Variants in RBFOX1 observed in about 807,000 individuals in gnomAD.
The protein encoded by RBFOX1 is RNA binding fox-1 homolog 1.
In RBFOX1, 8 loss-of-function variants were observed where a neutral mutation model predicts 57.7. That is an observed-to-expected ratio of 0.14 (90% confidence interval 0.08 to 0.25). The LOEUF (loss-of-function observed/expected upper bound fraction) is 0.25, where lower values mean the gene tolerates loss of function less well. RBFOX1 is among the 10% of genes least tolerant of loss of function. The pLI, the probability that RBFOX1 is intolerant of heterozygous loss-of-function variation, is 1.00. For missense variants in RBFOX1, 611 were observed against 548.5 expected (o/e 1.11, Z -1.14); for synonymous variants, 326 against 222.4 (o/e 1.47, Z -4.15).
chr16:6,696,455 C>A (rs1023917568), intron 3 of RBFOX1, among the ~76,000 whole-genome samples: 4 of 152,100 alleles, frequency 2.6e-5, no homozygotes, highest in African/African-American at 4.8e-5. Flanking sequence ...TAAATATAAT[C>A]TTTGAAATTG....
chr16:5,733,501 C>T (rs1296442943), intron 3 of RBFOX1, among the ~76,000 whole-genome samples: 1 of 152,100 alleles, frequency 6.6e-6, no homozygotes, highest in African/African-American at 2.4e-5. Flanking sequence ...CTGCCCTGGG[C>T]CGGGGTGGTC....
At chr16:6,912,844 T>G (rs1197366150) in intron 3 of RBFOX1, among the ~76,000 whole-genome samples, 1 of 151,968 alleles carries the variant, frequency 6.6e-6, no homozygotes, top group East Asian at 1.9e-4. Context: ...AGACTCAAAC[T>G]CCTGAGCTCA....
intron 1 of RBFOX1, among the ~76,000 whole-genome samples, chr16:6,231,921 A>G (rs1303769139): frequency 4.0e-5 from 6 of 151,660 alleles, no homozygotes; most frequent in Admixed American, 1.3e-4. Context: ...CATCAAAACA[A>G]TAGTCTGTAC....
At chr16:6,657,855 G>T (rs1603109151) in intron 3 of RBFOX1, among the ~76,000 whole-genome samples, 1 of 150,676 alleles carries the variant, frequency 6.6e-6, no homozygotes, top group Admixed American at 6.7e-5. Flanking sequence ...TTTTACTTTA[G>T]TTAAGGGAGC....
intron 1 of RBFOX1, among the ~76,000 whole-genome samples, chr16:6,132,532 G>A (rs1253700769): frequency 1.3e-5 from 2 of 152,094 alleles, no homozygotes; most frequent in Non-Finnish European, 2.9e-5. Context: ...TCTCTTTCCT[G>A]ACCAGTACGG....
At chr16:5,645,171 C>G (rs987896032) in intron 3 of RBFOX1, among the ~76,000 whole-genome samples, 5 of 151,730 alleles carry the variant, frequency 3.3e-5, no homozygotes, top group South Asian at 2.1e-4. Context: ...ATCACTTGAA[C>G]CTAGGAAGCA....
intron 1 of RBFOX1, among the ~76,000 whole-genome samples, chr16:5,450,924 T>C (rs1305839658): frequency 6.6e-6 from 1 of 152,112 alleles, no homozygotes; most frequent in Non-Finnish European, 1.5e-5. Flanking sequence ...AGCTCAAGGG[T>C]AAGCTTGTCC....
rs572789805 is a variant in RBFOX1 at position 7,271,271 on chromosome 16, A to G, written c.27+219173A>G. On this transcript the variant is annotated intron_variant, in intron 4 of 15. Transcript: ENST00000550418. ...AATGTTTGATCTCTGTCCTTTTTGT[A>G]TGTGAGAACATTCACAGGCATCTTC... Among the ~76,000 whole-genome samples, 41 of 151,390 alleles carry G rather than the reference A, an allele frequency of 2.7e-4. No homozygotes were observed. In the South Asian group the frequency reaches 8.1e-3, roughly 30 times the overall value.
intron 2 of RBFOX1, among the ~76,000 whole-genome samples, chr16:6,404,133 A>G (rs1047180346): frequency 4.6e-5 from 7 of 152,192 alleles, no homozygotes; most frequent in African/African-American, 7.2e-5. Flanking sequence ...GAAAAAATAT[A>G]TATTTTAAAT....
At chr16:6,684,668 T>C (rs1227455324) in intron 3 of RBFOX1, among the ~76,000 whole-genome samples, 1 of 152,168 alleles carries the variant, frequency 6.6e-6, no homozygotes, top group African/African-American at 2.4e-5. Context: ...GTCTTAGAAG[T>C]TGATCTGGAG....
At chr16:5,833,282 A>C (rs1456447506) in intron 3 of RBFOX1, among the ~76,000 whole-genome samples, 2 of 152,116 alleles carry the variant, frequency 1.3e-5, no homozygotes, top group Admixed American at 1.3e-4. Context: ...TCATGAGGTC[A>C]GGAGATCGAG....
At chr16:6,667,227 C>T (rs1185262298) in intron 3 of RBFOX1, among the ~76,000 whole-genome samples, 1 of 152,092 alleles carries the variant, frequency 6.6e-6, no homozygotes, top group Non-Finnish European at 1.5e-5. Context: ...TGAGAAGCTG[C>T]TGGGCACCCT....
rs9932712 is a variant in RBFOX1, at chr16:6,579,265, T to A, written c.-63-75338T>A. Among the ~76,000 whole-genome samples, 426 of 151,680 alleles carry A rather than the reference T, an allele frequency of 2.8e-3. 2 individuals carry two copies. The highest frequency in any genetic ancestry group is 1.0e-2 in the African/African-American group (412 of 41,346). The stretch of plus-strand genomic sequence containing the variant: ...GTTACCCAGGCTGGAGTGTAGTGGT[T>A]CAGTTATCGCTCTCTGTAGGCTTGA... On this transcript the variant is annotated intron_variant, in intron 2 of 15. Coordinates refer to ENST00000550418, the MANE Select transcript of RBFOX1 (RefSeq NM_018723.4).
intron 1 of RBFOX1, among the ~76,000 whole-genome samples, chr16:6,076,280 C>G (rs2095898421): frequency 6.8e-6 from 1 of 147,802 alleles, no homozygotes; most frequent in Non-Finnish European, 1.5e-5. Context: ...GCCTGGGCAA[C>G]AAGAGCAAAA....
rs1555516689 is a variant in RBFOX1, at chr16:7,155,764, C to CAT, written c.27+103674_27+103675dup. ...ACACACACACACACACACACACACACATATATATACAGACACATATATAAT... is the reference window on the plus strand; with the variant it reads ...ACACACACACACACACACACACACACATATATATATACAGACACATATATAAT... On this transcript the variant is annotated intron_variant, in intron 4 of 15. Transcript: ENST00000550418. Among the ~76,000 whole-genome samples, 16 of 124,168 alleles carry CAT rather than the reference C, an allele frequency of 1.3e-4. 1 individual carries two copies. The highest frequency in any genetic ancestry group is 2.8e-4 in the African/African-American group (9 of 31,980). 81.5% of individuals were successfully genotyped at this position (124,168 alleles called of 152,430 possible). A position where few individuals can be genotyped will look rare whatever the true frequency, so the allele number is the denominator to read the frequency against.
Position 6,676,051 on chromosome 16 carries a change from C to A in RBFOX1, c.-16+21401C>A, listed in dbSNP as rs77168366. 9.4e-3 allele frequency among the ~76,000 whole-genome samples: 1,433 copies of A among 151,710 alleles called. 9 individuals carry two copies. The highest frequency in any genetic ancestry group is 0.015 in the Non-Finnish European group (991 of 67,956). On this transcript the variant is annotated intron_variant, in intron 3 of 15. Coordinates refer to ENST00000550418, the MANE Select transcript of RBFOX1 (RefSeq NM_018723.4). ...GGTCCTCAAAAGGTTTAAAGGAAAA[C>A]TGAAGGGAAGTCAACATAGGGGTTT...
At chr16:5,394,913 T>C (rs970415342) in intron 1 of RBFOX1, among the ~76,000 whole-genome samples, 1 of 151,992 alleles carries the variant, frequency 6.6e-6, no homozygotes, top group Non-Finnish European at 1.5e-5. Flanking sequence ...AGTGGTAACA[T>C]CCTCACTGGC....
intron 1 of RBFOX1, among the ~76,000 whole-genome samples, chr16:5,454,852 T>TC (rs1597131986): frequency 9.9e-6 from 1 of 101,470 alleles, no homozygotes; most frequent in Non-Finnish European, 2.0e-5. Context: ...TTTCTTTCTT[T>TC]CTTTTCTTTC....
intron 3 of RBFOX1, among the ~76,000 whole-genome samples, chr16:6,981,404 G>T (rs1265096690): frequency 1.3e-5 from 2 of 152,098 alleles, no homozygotes; most frequent in African/African-American, 2.4e-5. Flanking sequence ...GTCCATCCAT[G>T]TCCCTGCAAA....
Sources: allele counts gnomAD v4.1 joint callset (sites outside exome capture counted in the v4.1 genomes callset), GRCh38; gene constraint gnomAD v4.1.1; transcripts MANE v1.5; gene names NCBI Gene and HGNC (gene_info 2026-07-23, HGNC 2026-07-21).